PLCD3: variants seen among roughly 807,000 people sequenced by gnomAD.
PLCD3 encodes 1-phosphatidylinositol 4,5-bisphosphate phosphodiesterase delta-3.
In PLCD3, 62 loss-of-function variants were observed where a neutral mutation model predicts 82.8. The ratio of observed to expected loss-of-function variants is 0.75; its 90% CI spans 0.61 to 0.93. The LOEUF (loss-of-function observed/expected upper bound fraction) is 0.93, where lower values mean the gene tolerates loss of function less well. PLCD3 is among the 40% of genes least tolerant of loss of function. PLCD3 has a pLI of 0.00. For synonymous variants in PLCD3, 478 were observed against 471.8 expected (o/e 1.01, Z -0.17); for missense variants, 1,023 against 1,103.4 (o/e 0.93, Z 1.03).
Position 45,114,283 on chromosome 17 carries a change from G to T in PLCD3, c.1795C>A (p.Pro599Thr). The change falls in exon 11 of 15, where the codon CCC becomes ACC. Residue 599 changes from proline to threonine, a missense_variant. Around this residue, in one of 3 missense-constraint regions of PLCD3, gnomAD observed 553 missense variants for 655.7 expected, o/e 0.84. Transcript: ENST00000619929. ...CAGCCCGAGTTCCACATCTCCTGGG[G>T]ACTGTAGTTGGCTGAGTTCATCCGC... ...GLRMNSANYS[P>T]QEMWNSGCQL... is the part of the protein sequence containing the mutation. 1 of 1,547,376 alleles carries T rather than the reference G, an allele frequency of 6.5e-7. No individual in the cohort carries two copies. Among genetic ancestry groups the T allele is most frequent in the Non-Finnish European group, 8.7e-7 (1 of 1,145,372 alleles).
chr17:45,123,235 T>G (rs2054354951), intron 1 of PLCD3, among the ~76,000 whole-genome samples: 1 of 152,186 alleles, frequency 6.6e-6, no homozygotes. Context: ...CTTCTCTTCC[T>G]CCTATCTGAG....
At chr17:45,123,873 C>T (rs12604082) in intron 1 of PLCD3, among the ~76,000 whole-genome samples, 17,986 of 151,752 alleles carry the variant, frequency 0.12, 1,301 homozygotes, top group Middle Eastern at 0.22. Flanking sequence ...ACCCCCTGGT[C>T]AGGAAGGGGA....
rs2054326634 is a variant in PLCD3, at chr17:45,120,372, T to C, written c.637A>G (p.Met213Val). The change falls in exon 4 of 15, where the codon ATG becomes GTG. Residue 213 changes from methionine to valine, a missense_variant. By Grantham distance (21) the Met-to-Val change is conservative. Coordinates refer to ENST00000619929, the MANE Select transcript of PLCD3 (RefSeq NM_133373.5). ...ATGTCGTTCATGTCCACGTTGACCA[T>C]TCTCAGCAGGCTCTTGATCTCCTTG... Reference protein sequence around the residue: ...SFKEIKSLLRMVNVDMNDMYA... With the variant: ...SFKEIKSLLRVVNVDMNDMYA... 2 of 1,613,900 alleles carry C rather than the reference T, an allele frequency of 1.2e-6. No homozygotes were observed. The highest frequency in any genetic ancestry group is 8.5e-7 in the Non-Finnish European group (1 of 1,179,884).
chr17:45,119,108 A>G, intron 4 of PLCD3, 65 bp from the exon 5 acceptor site: 1 of 1,269,668 alleles, frequency 7.9e-7, no homozygotes, highest in South Asian at 1.4e-5. Flanking sequence ...CCTTTGACCC[A>G]TCTGTCATCT....
chr17:45,116,925 G>C (rs1475858915), intron 7 of PLCD3, 141 bp from the exon 8 acceptor site: 3 of 1,021,678 alleles, frequency 2.9e-6, no homozygotes, highest in Non-Finnish European at 4.0e-6. Flanking sequence ...CTGTCCAGGA[G>C]GCTGAGGGCG....
intron 1 of PLCD3, among the ~76,000 whole-genome samples, chr17:45,124,489 T>C (rs2054366531): frequency 6.6e-6 from 1 of 151,316 alleles, no homozygotes; most frequent in South Asian, 2.1e-4. Context: ...GCTGAGTCCC[T>C]GGTTGGGTGC....
At chr17:45,124,883 C>T (rs751781047) in intron 1 of PLCD3, among the ~76,000 whole-genome samples, 15 of 152,152 alleles carry the variant, frequency 9.9e-5, no homozygotes, top group Non-Finnish European at 1.6e-4. Context: ...TGAGGGCAAA[C>T]GAAAGCCAAA....
At chr17:45,115,322 C>CCCCT in intron 9 of PLCD3, 22 bp downstream of exon 9, 1 of 1,509,438 alleles carries the variant, frequency 6.6e-7, no homozygotes, top group Non-Finnish European at 8.9e-7. Flanking sequence ...CCCTTCCCCA[C>CCCCT]CCCACCCATC....
At position 45,115,585 on chromosome 17, in the gene PLCD3, G is replaced by A. The variant is rs116784529; in HGVS notation, c.1414-95C>T. 3.2e-3 allele frequency: 3,606 copies of A among 1,136,074 alleles called. 67 individuals are homozygous for A. In the African/African-American group the frequency reaches 0.045, roughly 14 times the overall value. The allele number at this position is 1,136,074 out of a possible 1,614,324, so 70.4% of individuals were successfully genotyped here. ...TTCAACCACCGCCTTGTGAGGGGCT[G>A]GCTAGGGGTGGGAGGCAGGAAAGGA... On this transcript the variant is annotated intron_variant, in intron 8 of 14. Coordinates refer to ENST00000619929, the MANE Select transcript of PLCD3 (RefSeq NM_133373.5).
rs1008163685 is a variant in PLCD3 at position 45,115,508 on chromosome 17, G to A, written c.1414-18C>T. On this transcript the variant is annotated intron_variant, in intron 8 of 14. Coordinates refer to ENST00000619929, the MANE Select transcript of PLCD3 (RefSeq NM_133373.5). ...TTCAGCTGCTGTGGGGGCCAACGTG[G>A]AGGATGAAGGGTTAGGCCTTCTCGC... The A allele has an allele frequency of 1.3e-6, 2 of 1,597,246 alleles. No individual in the cohort carries two copies. Among genetic ancestry groups the A allele is most frequent in the African/African-American group, 2.7e-5 (2 of 74,552 alleles).
At chr17:45,126,980 C>A (rs890607515) in intron 1 of PLCD3, among the ~76,000 whole-genome samples, 1 of 152,204 alleles carries the variant, frequency 6.6e-6, no homozygotes, top group Non-Finnish European at 1.5e-5. Flanking sequence ...ATGAATATCT[C>A]AAAAATGCTG....
Position 45,121,345 on chromosome 17 carries a change from G to A in PLCD3, c.191C>T (p.Ala64Val), listed in dbSNP as rs754796799. The A allele has an allele frequency of 3.9e-6, 6 of 1,544,578 alleles. No homozygotes were observed. The highest frequency in any genetic ancestry group is 5.2e-6 in the Non-Finnish European group (6 of 1,153,474). Residue 64 changes from alanine (A) to valine (V), a missense_variant, in exon 2 of 15, where the codon GCC becomes GTC. Physicochemically the swap from Ala to Val is moderately conservative, Grantham distance 64. Coordinates refer to ENST00000619929, the MANE Select transcript of PLCD3 (RefSeq NM_133373.5). ...GCGGAGCCGGGAGCCCCGCAGCATG[G>A]CGCGCACGTCCTCGTCCTCCGTCAG... is the stretch of plus-strand genomic sequence containing the variant. ...MGLTEDEDVR[A>V]MLRGSRLRKI...
chr17:45,115,144 T>C lies in PLCD3; in HGVS notation c.1661A>G (p.Gln554Arg). 2.5e-6 allele frequency: 4 copies of C among 1,601,252 alleles called. No individual in the cohort carries two copies. Among genetic ancestry groups the C allele is most frequent in the Non-Finnish European group, 3.4e-6 (4 of 1,174,114 alleles). Residue 554 changes from glutamine to arginine, a missense_variant, in exon 10 of 15, where the codon CAG becomes CGG. By Grantham distance (43) the Gln-to-Arg change is conservative. This residue lies in a region of PLCD3 where 553 missense variants were observed against 655.7 expected (regional missense o/e 0.84). Coordinates refer to ENST00000619929, the MANE Select transcript of PLCD3 (RefSeq NM_133373.5). Reference sequence around the variant, plus strand: ...TTTGCGCTCGCTGAGGGAGCTGACCTGGCAGGGTTGTGGGGCGTTGGGGGC... The same window carrying C: ...TTTGCGCTCGCTGAGGGAGCTGACCCGGCAGGGTTGTGGGGCGTTGGGGGC... ...HPAPNAPQPC[Q>R]VSSLSERKAK...
Position 45,111,694 on chromosome 17 carries a change from C to T in PLCD3, c.*922G>A, listed in dbSNP as rs1401945078. The T allele has an allele frequency of 2.0e-5, 3 of 152,238 alleles. No individual in the cohort carries two copies. In the East Asian group the frequency reaches 5.8e-4, roughly 29 times the overall value. The allele number at this position is 152,238 out of a possible 1,614,324, so 9.4% of individuals were successfully genotyped here. Reference sequence around the variant, plus strand: ...ATTTTTTAAACTAGATAGGCTCATTCTACTGTCTTCTCCAGGGCTCTTCTA... The same window carrying T: ...ATTTTTTAAACTAGATAGGCTCATTTTACTGTCTTCTCCAGGGCTCTTCTA... On this transcript the variant is annotated 3_prime_UTR_variant, in exon 15 of 15. Transcript: ENST00000619929.
Position 45,118,952 on chromosome 17 carries a change from A to G in PLCD3, c.776T>C (p.Ile259Thr), listed in dbSNP as rs1376917342. 2 of 1,612,502 alleles carry G rather than the reference A, an allele frequency of 1.2e-6. No homozygotes were observed. Among genetic ancestry groups the G allele is most frequent in the Middle Eastern group, 3.3e-4 (2 of 6,058 alleles). ...GTCCTCGCCCGAGTACTGATGGAAGATCTCCTCCAGCTCCGGCCGCTTCAG... is the reference window on the plus strand; with the variant it reads ...GTCCTCGCCCGAGTACTGATGGAAGGTCTCCTCCAGCTCCGGCCGCTTCAG... The part of the protein sequence containing the change: ...RLLKRPELEE[I>T]FHQYSGEDRV... The change falls in exon 5 of 15, where the codon ATC becomes ACC. Residue 259 changes from isoleucine to threonine, a missense_variant. This residue lies in a region of PLCD3 where 448 missense variants were observed against 406.3 expected (regional missense o/e 1.10). Transcript: ENST00000619929. The surrounding 1 kb of genome is among the most constrained non-coding windows in gnomAD (Gnocchi z 4.1).
At chr17:45,119,443 C>G (rs1487043571) in intron 4 of PLCD3, among the ~76,000 whole-genome samples, 1 of 152,130 alleles carries the variant, frequency 6.6e-6, no homozygotes, top group Non-Finnish European at 1.5e-5. Context: ...GCTGTGTTGC[C>G]CAAGCTGATC....
At chr17:45,126,875 G>T (rs1484000218) in intron 1 of PLCD3, among the ~76,000 whole-genome samples, 1 of 152,136 alleles carries the variant, frequency 6.6e-6, no homozygotes. Context: ...GCCCAGGCTG[G>T]TCTCAAACTC....
chr17:45,112,976 T>A lies in PLCD3; in HGVS notation c.2168A>T (p.Gln723Leu). Residue 723 changes from glutamine (Q) to leucine (L), a missense_variant, in exon 14 of 15, where the codon CAG (glutamine) becomes CTG (leucine). Around this residue, in one of 3 missense-constraint regions of PLCD3, gnomAD observed 553 missense variants for 655.7 expected, o/e 0.84. Transcript: ENST00000619929. The stretch of plus-strand genomic sequence containing the variant: ...CAGTGCCAGCTCCGGAGCCCGCAGC[T>A]GGAACTGCAGGGTCTGCCCCCAGCG... ...NPRWGQTLQF[Q>L]LRAPELALVR... The A allele has an allele frequency of 6.2e-7, 1 of 1,611,482 alleles. No homozygotes were observed. Among genetic ancestry groups the A allele is most frequent in the Non-Finnish European group, 8.5e-7 (1 of 1,178,500 alleles).
chr17:45,126,030 T>C (rs949368018), intron 1 of PLCD3, among the ~76,000 whole-genome samples: 1 of 149,104 alleles, frequency 6.7e-6, no homozygotes, highest in Non-Finnish European at 1.5e-5. Flanking sequence ...AATTTCATTA[T>C]ATATATTTTA....
Sources: gnomAD v4.1 joint callset for allele counts (sites outside exome capture counted in the v4.1 genomes callset) on GRCh38, gnomAD v4.1.1 for gene constraint, gnomAD v4.1.1 regional missense constraint, Gnocchi (gnomAD v3.1) non-coding constraint, MANE v1.5 for transcripts, NCBI Gene and HGNC (gene_info 2026-07-23, HGNC 2026-07-21) for gene names.